The following POLR1D variants were observed in gnomAD, a reference collection of about 807,000 sequenced individuals.
POLR1D encodes the protein RNA polymerase I and III subunit D, also known as DNA-directed RNA polymerases I and III subunit RPAC2.
POLR1D carries 8 observed loss-of-function variants against 10.8 expected under a neutral mutation model. The ratio of observed to expected loss-of-function variants is 0.74; its 90% confidence interval spans 0.43 to 1.33. The LOEUF (loss-of-function observed/expected upper bound fraction) is 1.33, where lower values mean the gene tolerates loss of function less well. POLR1D is among the 40% of genes most tolerant of loss of function. The pLI is 0.01. For synonymous variants in POLR1D, 54 were observed against 57.2 expected (o/e 0.94, Z 0.25); for missense variants, 152 against 161.7 (o/e 0.94, Z 0.32).
At chr13:27,630,101 C>T (rs182023688) in intron 1 of POLR1D, among the ~76,000 whole-genome samples, 398 of 152,076 alleles carry the variant, frequency 2.6e-3, no homozygotes, top group African/African-American at 8.3e-3. Flanking sequence ...TTAGTAGAGA[C>T]GGGGTTTCAC....
intron 1 of POLR1D, among the ~76,000 whole-genome samples, chr13:27,643,997 G>A (rs1956197488): frequency 6.6e-6 from 1 of 152,130 alleles, no homozygotes; most frequent in Admixed American, 6.5e-5. Flanking sequence ...GTACTATACA[G>A]CTAGCTGATC....
downstream of POLR1D, among the ~76,000 whole-genome samples, chr13:27,625,996 A>C (rs565784256): frequency 6.6e-6 from 1 of 152,336 alleles, no homozygotes; most frequent in South Asian, 2.1e-4. Context: ...GGAAGAGGTG[A>C]GTTTAGGCGG....
chr13:27,665,493 G>C, intron 2 of POLR1D: 1 of 613,982 alleles, frequency 1.6e-6, no homozygotes, highest in South Asian at 2.0e-5. Flanking sequence ...CTTGTCTCAA[G>C]AATTCCAATC....
In POLR1D at chr13:27,623,018, A is replaced by G. The variant is rs1955965924; in HGVS notation, c.170A>G (p.Tyr57Cys). ...EDHTLGNSLR[Y>C]MIMKNPEVEF... ...CATACCCTAGGAAATTCTCTACGTT[A>G]CATGATCATGAAGAACCCGGAAGTG... The change falls in exon 2 of 2, where the codon TAC (tyrosine) becomes TGC (cysteine). Residue 57 changes from tyrosine to cysteine, a missense_variant. Tyr to Cys is a radical substitution (Grantham distance 194). Transcript: ENST00000302979. 1 of 1,613,916 alleles carries G rather than the reference A, an allele frequency of 6.2e-7. No individual in the cohort carries two copies. The highest frequency in any genetic ancestry group is 1.1e-5 in the South Asian group (1 of 91,080).
At chr13:27,634,248 A>G (rs900034973) in intron 1 of POLR1D, among the ~76,000 whole-genome samples, 1 of 152,204 alleles carries the variant, frequency 6.6e-6, no homozygotes, top group African/African-American at 2.4e-5. Context: ...GGGGTTTATG[A>G]TTAGGAACTG....
At chr13:27,652,815 C>T (rs1251622931) in intron 2 of POLR1D, among the ~76,000 whole-genome samples, 2 of 149,364 alleles carry the variant, frequency 1.3e-5, no homozygotes, top group East Asian at 2.0e-4. Flanking sequence ...TACAGTAAGC[C>T]GAGATCACAC....
At chr13:27,643,017 C>A (rs2138548563) in intron 1 of POLR1D, among the ~76,000 whole-genome samples, 1 of 152,244 alleles carries the variant, frequency 6.6e-6, no homozygotes, top group East Asian at 1.9e-4. Flanking sequence ...AATTCAGCAC[C>A]TTTTCTCATG....
chr13:27,656,354 C>CTGTGTA (rs367656558), intron 2 of POLR1D, among the ~76,000 whole-genome samples: 1 of 152,034 alleles, frequency 6.6e-6, no homozygotes, highest in Admixed American at 6.5e-5. Flanking sequence ...GTGTCTGTGT[C>CTGTGTA]TGTGTATGTG....
chr13:27,634,583 A>C (rs950576825), intron 1 of POLR1D, among the ~76,000 whole-genome samples: 3 of 152,070 alleles, frequency 2.0e-5, no homozygotes, highest in African/African-American at 7.2e-5. Context: ...AGAAAAGGCA[A>C]CTGAGACCTG....
intron 2 of POLR1D, among the ~76,000 whole-genome samples, chr13:27,657,185 T>C (rs1433479353): frequency 6.6e-6 from 1 of 152,190 alleles, no homozygotes; most frequent in African/African-American, 2.4e-5. Context: ...TATTTATCAC[T>C]TTTTAACAGA....
At chr13:27,622,623 GT>G (rs1441875484) in intron 1 of POLR1D, among the ~76,000 whole-genome samples, 2 of 152,054 alleles carry the variant, frequency 1.3e-5, no homozygotes, top group African/African-American at 4.8e-5. Flanking sequence ...AAACACTTAA[GT>G]TTGTGTTTTT....
intron 2 of POLR1D, among the ~76,000 whole-genome samples, chr13:27,657,903 A>C (rs1449755298): frequency 6.6e-6 from 1 of 152,198 alleles, no homozygotes; most frequent in Non-Finnish European, 1.5e-5. Context: ...CAGCACACCC[A>C]AACAGATATG....
chr13:27,646,759 C>T (rs1382130740), intron 1 of POLR1D, among the ~76,000 whole-genome samples: 2 of 152,022 alleles, frequency 1.3e-5, no homozygotes, highest in African/African-American at 2.4e-5. Flanking sequence ...AGGTAAATAA[C>T]GAGAAACAGA....
intron 2 of POLR1D, among the ~76,000 whole-genome samples, chr13:27,659,857 T>C (rs1245400768): frequency 6.6e-6 from 1 of 151,948 alleles, no homozygotes; most frequent in Non-Finnish European, 1.5e-5. Context: ...GATAGCTTGG[T>C]ATGTATCTTT....
rs1364155487 is a variant in POLR1D at position 27,663,997 on chromosome 13, T to C, written c.102-1689T>C. Among the ~76,000 whole-genome samples, 6 of 152,360 alleles carry C rather than the reference T, an allele frequency of 3.9e-5. No individual in the cohort carries two copies. Among genetic ancestry groups the C allele is most frequent in the African/African-American group, 1.2e-4 (5 of 41,590 alleles). ...TTTTTCCTGTAGGCTGTCTGTGTTA[T>C]GCTGTTTTGGAACATGCCAGTGTTT... On this transcript the variant is annotated intron_variant, in intron 2 of 2. Transcript: ENST00000399697. The surrounding 1 kb of genome is among the most constrained non-coding windows in gnomAD (Gnocchi z 4.1).
chr13:27,666,033 A>T (rs892716649), exon 3 of POLR1D: 1 of 1,293,444 alleles, frequency 7.7e-7, no homozygotes, highest in Admixed American at 2.1e-5. Flanking sequence ...CTGAGCTGGC[A>T]GGGCAAACAC....
rs1472003107 is a variant in POLR1D at position 27,623,385 on chromosome 13, T to TG, written c.*136dup. On this transcript the variant is annotated 3_prime_UTR_variant, in exon 2 of 2. Transcript: ENST00000302979. ...GGCGTGATTCTAGCTGTTGACCCCT[T>TG]GCAGCTGTTGGAATCTCTGCAAGAA... is the stretch of plus-strand genomic sequence containing the variant. 2 of 1,505,264 alleles carry TG rather than the reference T, an allele frequency of 1.3e-6. No homozygotes were observed. Among genetic ancestry groups the TG allele is most frequent in the Non-Finnish European group, 1.8e-6 (2 of 1,128,332 alleles). The allele number at this position is 1,505,264 out of a possible 1,614,324, so 93.2% of individuals were successfully genotyped here. A position where few individuals can be genotyped will look rare whatever the true frequency, so the allele number is the denominator to read the frequency against.
chr13:27,661,182 G>A (rs1227567628), intron 2 of POLR1D, among the ~76,000 whole-genome samples: 1 of 152,164 alleles, frequency 6.6e-6, no homozygotes, highest in Non-Finnish European at 1.5e-5. Flanking sequence ...CACAGCCTCT[G>A]AGCCCACAGG....
chr13:27,666,072 T>C (rs1593297218), exon 3 of POLR1D: 2 of 930,694 alleles, frequency 2.1e-6, no homozygotes, highest in Non-Finnish European at 3.2e-6. Context: ...TTAGGTCCTT[T>C]GTTGTTTTTA....
Sources: gnomAD v4.1 joint callset for allele counts (sites outside exome capture counted in the v4.1 genomes callset) on GRCh38, gnomAD v4.1.1 for gene constraint, Gnocchi (gnomAD v3.1) non-coding constraint, MANE v1.5 for transcripts, NCBI Gene and HGNC (gene_info 2026-07-23, HGNC 2026-07-21) for gene names.